Variants in ADAM23 observed in about 807,000 individuals in gnomAD.
ADAM23 encodes disintegrin and metalloproteinase domain-containing protein 23.
In ADAM23, 33 loss-of-function variants were observed where a neutral mutation model predicts 120.1. The observed-to-expected ratio is 0.27, with a 90% CI of 0.21 to 0.37. The LOEUF (loss-of-function observed/expected upper bound fraction) is 0.37. ADAM23 is among the 10% of genes least tolerant of loss of function. The pLI is 1.00. For missense variants in ADAM23, 862 were observed against 1,058.2 expected, an observed-to-expected ratio of 0.81 and a Z score of 2.57; for synonymous variants, 367 against 375.2, an observed-to-expected ratio of 0.98 and a Z score of 0.25.
intron 2 of ADAM23, among the ~76,000 whole-genome samples, chr2:206,461,321 C>T (rs868754603): frequency 6.6e-6 from 1 of 151,994 alleles, no homozygotes; most frequent in Admixed American, 6.6e-5. Flanking sequence ...CTTGGCCTCC[C>T]GAAGTGCGTG....
rs1200113971 is a variant in ADAM23 at position 206,513,258 on chromosome 2, GT to G, written c.510-17625del. 2.0e-5 allele frequency among the ~76,000 whole-genome samples: 3 copies of G among 152,324 alleles called. No homozygotes were observed. In the East Asian group the frequency reaches 5.8e-4, roughly 29 times the overall value. Reference sequence around the variant, plus strand: ...GTTGAAACTGAGGCCTCTTGAGTCAGTTAGCAAAGTTGTGAATGCAAAGGAA... The same window carrying G: ...GTTGAAACTGAGGCCTCTTGAGTCAGTAGCAAAGTTGTGAATGCAAAGGAA... On this transcript the variant is annotated intron_variant, in intron 3 of 25. Coordinates refer to ENST00000264377, the MANE Select transcript of ADAM23 (RefSeq NM_003812.4).
At chr2:206,538,092 A>G (rs1369693145) in intron 4 of ADAM23, among the ~76,000 whole-genome samples, 2 of 152,216 alleles carry the variant, frequency 1.3e-5, no homozygotes, top group Non-Finnish European at 2.9e-5. Context: ...TTTGAATAGT[A>G]TAATTTATGT....
chr2:206,572,178 C>G (rs1303603784), intron 17 of ADAM23, among the ~76,000 whole-genome samples: 3 of 152,144 alleles, frequency 2.0e-5, no homozygotes, highest in Admixed American at 6.5e-5. Flanking sequence ...TTCTTCAAAA[C>G]TTACCCTAAT....
chr2:206,617,613 C>T lies in ADAM23; in HGVS notation c.2485C>T (p.Gln829Ter). The part of the protein sequence containing the change: ...VKKRRFDPTQ[Q>*]GPI ...GAAGAGAAGGTTCGATCCTACTCAG[C>T]AAGGCCCCATCTGAATCAGCTGCGC... is the stretch of plus-strand genomic sequence containing the variant. The change falls in exon 26 of 26, where the codon CAA becomes TAA. Residue 829 changes from glutamine (Q) to a stop codon, truncating the protein, a stop_gained. Coordinates refer to ENST00000264377, the MANE Select transcript of ADAM23 (RefSeq NM_003812.4). LOFTEE classifies it high-confidence loss of function. 1 of 1,613,016 alleles carries T rather than the reference C, an allele frequency of 6.2e-7. No individual in the cohort carries two copies. Among genetic ancestry groups the T allele is most frequent in the Non-Finnish European group, 8.5e-7 (1 of 1,179,456 alleles).
At chr2:206,549,601 C>G (rs1235718365) in intron 8 of ADAM23, among the ~76,000 whole-genome samples, 1 of 151,806 alleles carries the variant, frequency 6.6e-6, no homozygotes, top group Non-Finnish European at 1.5e-5. Context: ...GAATTTCACT[C>G]GAGTGAGTTA....
chr2:206,486,767 A>C (rs1374527561), intron 3 of ADAM23, among the ~76,000 whole-genome samples: 2 of 151,964 alleles, frequency 1.3e-5, no homozygotes, highest in Non-Finnish European at 2.9e-5. Context: ...ACTTTTCTAA[A>C]GTTTACCATT....
chr2:206,458,939 T>C (rs984173585), intron 2 of ADAM23, among the ~76,000 whole-genome samples: 5 of 152,196 alleles, frequency 3.3e-5, no homozygotes. Flanking sequence ...GGTAGAAATA[T>C]CAGACATAAA....
chr2:206,452,093 C>T (rs1447761054), intron 2 of ADAM23, among the ~76,000 whole-genome samples: 1 of 152,158 alleles, frequency 6.6e-6, no homozygotes. Context: ...GGGAGTAATT[C>T]ACCTAGGGAG....
At chr2:206,454,049 G>T (rs1047813791) in intron 2 of ADAM23, among the ~76,000 whole-genome samples, 1 of 152,234 alleles carries the variant, frequency 6.6e-6, no homozygotes, top group African/African-American at 2.4e-5. Flanking sequence ...TAATTACAGA[G>T]TAGTTAAGTT....
chr2:206,600,853 G>A, intron 24 of ADAM23, among the ~76,000 whole-genome samples: 1 of 151,930 alleles, frequency 6.6e-6, no homozygotes, highest in East Asian at 1.9e-4. Flanking sequence ...TGTGAGCAAG[G>A]ATTTTTTAAA....
At chr2:206,568,023 G>A (rs1182421890) in intron 15 of ADAM23, among the ~76,000 whole-genome samples, 4 of 152,152 alleles carry the variant, frequency 2.6e-5, no homozygotes, top group Non-Finnish European at 5.9e-5. Context: ...CTTCCACCAG[G>A]TAGGTCCCTC....
chr2:206,451,203 C>T (rs1046844424), intron 2 of ADAM23, among the ~76,000 whole-genome samples: 1 of 152,136 alleles, frequency 6.6e-6, no homozygotes, highest in Non-Finnish European at 1.5e-5. Flanking sequence ...TGGGTAGTAG[C>T]AGGTTATTTG....
At chr2:206,496,523 G>T (rs1696252011) in intron 3 of ADAM23, among the ~76,000 whole-genome samples, 2 of 151,942 alleles carry the variant, frequency 1.3e-5, no homozygotes, top group African/African-American at 4.8e-5. Flanking sequence ...GAAATTTATA[G>T]CACTAAATGC....
chr2:206,548,113 A>T (rs1697436443), intron 7 of ADAM23, among the ~76,000 whole-genome samples, 168 bp from the exon 8 acceptor site: 1 of 152,180 alleles, frequency 6.6e-6, no homozygotes, highest in Non-Finnish European at 1.5e-5. Flanking sequence ...ATTACATTTG[A>T]ACTATCTTTG....
intron 2 of ADAM23, among the ~76,000 whole-genome samples, chr2:206,456,256 AG>A (rs1695297052): frequency 6.6e-6 from 1 of 152,006 alleles, no homozygotes; most frequent in Non-Finnish European, 1.5e-5. Context: ...AGAGCAAGCA[AG>A]GGGGGAAGTG....
intron 18 of ADAM23, among the ~76,000 whole-genome samples, chr2:206,577,159 A>G (rs1020231175): frequency 5.3e-5 from 8 of 152,336 alleles, no homozygotes; most frequent in Middle Eastern, 6.8e-3. Flanking sequence ...AAACATTCCC[A>G]TGATAAGCAA....
At chr2:206,489,690 C>A (rs138913530) in intron 3 of ADAM23, among the ~76,000 whole-genome samples, 1 of 152,090 alleles carries the variant, frequency 6.6e-6, no homozygotes, top group Non-Finnish European at 1.5e-5. Flanking sequence ...GAGTAACATG[C>A]GGGCTGGCGA....
intron 21 of ADAM23, among the ~76,000 whole-genome samples, chr2:206,591,452 G>T (rs1698424358): frequency 6.6e-6 from 1 of 152,130 alleles, no homozygotes; most frequent in Non-Finnish European, 1.5e-5. Flanking sequence ...TTTCTGTGGT[G>T]TGTATAGCTG....
chr2:206,516,943 C>G (rs186544279), intron 3 of ADAM23, among the ~76,000 whole-genome samples: 12 of 152,210 alleles, frequency 7.9e-5, no homozygotes, highest in Admixed American at 6.5e-4. Flanking sequence ...TCCTCCTGAT[C>G]ATTGTGGACA....
Sources: allele counts gnomAD v4.1 joint callset (sites outside exome capture counted in the v4.1 genomes callset), GRCh38; gene constraint gnomAD v4.1.1; transcripts MANE v1.5; gene names NCBI Gene and HGNC (gene_info 2026-07-23, HGNC 2026-07-21).